The following ACYP2 variants were observed in gnomAD, a reference collection of about 807,000 sequenced individuals.
The protein encoded by ACYP2 is acylphosphatase-2.
In ACYP2, 12 loss-of-function variants were observed where a neutral mutation model predicts 11.2. The ratio of observed to expected loss-of-function variants is 1.08; its 90% CI spans 0.69 to 1.74. The LOEUF is 1.74. ACYP2 is among the 40% of genes most tolerant of loss of function. The probability of loss-of-function intolerance (pLI) is 0.00; values close to 1 mark genes in which losing one functional copy is unlikely to be tolerated. For synonymous variants in ACYP2, 43 were observed against 32.2 expected (o/e 1.33, Z -1.13); for missense variants, 134 against 101.9 (o/e 1.31, Z -1.35).
At chr2:54,027,755 T>A (rs934414474) in intron 2 of ACYP2, among the ~76,000 whole-genome samples, 3 of 152,078 alleles carry the variant, frequency 2.0e-5, no homozygotes, top group Admixed American at 6.6e-5. Context: ...TTTCTTCAGG[T>A]TTTACCTAAT....
intron 6 of ACYP2, among the ~76,000 whole-genome samples, chr2:54,298,854 C>T (rs1232088907): frequency 1.3e-5 from 2 of 152,166 alleles, no homozygotes; most frequent in Admixed American, 6.5e-5. Flanking sequence ...CAGGTTGAAG[C>T]GATTCTCTTG....
At chr2:54,068,091 C>T (rs970363437) in intron 4 of ACYP2, among the ~76,000 whole-genome samples, 2 of 152,188 alleles carry the variant, frequency 1.3e-5, no homozygotes, top group Non-Finnish European at 2.9e-5. Context: ...CTTATTCTTA[C>T]ACTAGATCTG....
chr2:54,041,002 T>A (rs773419549), intron 2 of ACYP2, among the ~76,000 whole-genome samples: 8 of 152,238 alleles, frequency 5.3e-5, no homozygotes, highest in Non-Finnish European at 1.0e-4. Flanking sequence ...GGAGAATTGC[T>A]GGAGTGATGT....
At chr2:54,301,455 T>C (rs560532145) in intron 6 of ACYP2, among the ~76,000 whole-genome samples, 84 of 152,176 alleles carry the variant, frequency 5.5e-4, no homozygotes, top group Admixed American at 1.1e-3. Flanking sequence ...TGGCCATTTT[T>C]ATTATTTTCC....
chr2:54,004,086 C>T (rs1403181612), intron 2 of ACYP2, among the ~76,000 whole-genome samples: 1 of 151,996 alleles, frequency 6.6e-6, no homozygotes, highest in South Asian at 2.1e-4. Context: ...CAGGTTGAAA[C>T]GATTCTCCTG....
At chr2:54,010,822 C>G (rs1346735645) in intron 2 of ACYP2, among the ~76,000 whole-genome samples, 1 of 145,310 alleles carries the variant, frequency 6.9e-6, no homozygotes, top group African/African-American at 2.6e-5. Flanking sequence ...TCATGCGCCA[C>G]TACACCTGGC....
At chr2:54,069,521 G>C (rs989189241) in intron 4 of ACYP2, among the ~76,000 whole-genome samples, 1 of 152,062 alleles carries the variant, frequency 6.6e-6, no homozygotes, top group Admixed American at 6.5e-5. Flanking sequence ...AATTAGCCGG[G>C]CGTGGTGGCG....
chr2:54,180,515 T>C (rs759969344), intron 6 of ACYP2, among the ~76,000 whole-genome samples: 3 of 152,206 alleles, frequency 2.0e-5, no homozygotes, highest in Non-Finnish European at 4.4e-5. Flanking sequence ...TTAGGAGTTC[T>C]ATGCCAGAAA....
chr2:53,979,631 T>TA (rs202147020), intron 2 of ACYP2, among the ~76,000 whole-genome samples: 34 of 144,454 alleles, frequency 2.4e-4, no homozygotes, highest in South Asian at 6.4e-4. Flanking sequence ...GTCTCAAAAA[T>TA]AAAAAAAAAA....
At chr2:54,013,575 C>T (rs1673512901) in intron 2 of ACYP2, among the ~76,000 whole-genome samples, 1 of 151,976 alleles carries the variant, frequency 6.6e-6, no homozygotes, top group African/African-American at 2.4e-5. Flanking sequence ...GCTGGGATTA[C>T]AGGCATGAGC....
chr2:54,017,272 C>CTT (rs143681564), intron 2 of ACYP2, among the ~76,000 whole-genome samples: 5 of 123,130 alleles, frequency 4.1e-5, no homozygotes, highest in Non-Finnish European at 6.5e-5. Flanking sequence ...CTTTTCTTTT[C>CTT]TTTTTTTTTT....
At chr2:54,274,266 A>G (rs1445651964) in intron 6 of ACYP2, among the ~76,000 whole-genome samples, 1 of 152,158 alleles carries the variant, frequency 6.6e-6, no homozygotes, top group Non-Finnish European at 1.5e-5. Flanking sequence ...CATTGCAAGA[A>G]CAGGGCAGGA....
intron 6 of ACYP2, among the ~76,000 whole-genome samples, chr2:54,206,228 G>T (rs1426104609): frequency 1.3e-5 from 2 of 152,008 alleles, no homozygotes; most frequent in Admixed American, 1.3e-4. Context: ...TGGGGCCTTG[G>T]GCTCAGTATA....
chr2:54,154,395 C>G (rs1682340702), intron 6 of ACYP2, among the ~76,000 whole-genome samples: 1 of 152,156 alleles, frequency 6.6e-6, no homozygotes, highest in Admixed American at 6.5e-5. Flanking sequence ...CCATTTTTCA[C>G]CATTGTGTGT....
intron 2 of ACYP2, among the ~76,000 whole-genome samples, chr2:53,992,418 G>A (rs933399372): frequency 6.6e-6 from 1 of 152,150 alleles, no homozygotes; most frequent in Non-Finnish European, 1.5e-5. Context: ...GATTATAAGG[G>A]GATAAGAATG....
intron 4 of ACYP2, chr2:54,115,748 G>C: frequency 6.2e-7 from 1 of 1,612,806 alleles, no homozygotes; most frequent in Non-Finnish European, 8.5e-7. Context: ...GTGTTCGGAA[G>C]AGTGCAGGGT....
chr2:54,160,260 A>C (rs1682652276), intron 6 of ACYP2, among the ~76,000 whole-genome samples: 1 of 152,130 alleles, frequency 6.6e-6, no homozygotes. Context: ...AAGTGCACCC[A>C]CACTCAAGGC....
chr2:54,129,791 GTAAACT>G (rs999279021), intron 4 of ACYP2, among the ~76,000 whole-genome samples: 4 of 148,742 alleles, frequency 2.7e-5, no homozygotes, highest in African/African-American at 9.8e-5. Flanking sequence ...CACTTTGAAA[GTAAACT>G]TAAAGTCTAA....
intron 2 of ACYP2, among the ~76,000 whole-genome samples, chr2:54,045,305 G>A (rs2104566324): frequency 6.6e-6 from 1 of 152,214 alleles, no homozygotes; most frequent in African/African-American, 2.4e-5. Flanking sequence ...GGATTTGAGG[G>A]TCTCCTCCCA....
Sources: gnomAD v4.1 joint callset for allele counts (sites outside exome capture counted in the v4.1 genomes callset) on GRCh38, gnomAD v4.1.1 for gene constraint, MANE v1.5 for transcripts, NCBI Gene and HGNC (gene_info 2026-07-23, HGNC 2026-07-21) for gene names.